ITPRID1: variants seen among roughly 807,000 people sequenced by gnomAD.
ITPRID1 encodes the protein protein ITPRID1.
Under a neutral mutation model 95.4 loss-of-function variants are expected in ITPRID1, and 96 were observed. That is an observed-to-expected ratio of 1.01 (90% confidence interval 0.85 to 1.19). The LOEUF (loss-of-function observed/expected upper bound fraction) is 1.19, where lower values mean the gene tolerates loss of function less well. Ranked by LOEUF, ITPRID1 falls within the 50% of genes most tolerant of loss-of-function variation. The pLI is 0.00. For synonymous variants in ITPRID1, 510 were observed against 453.6 expected (o/e 1.12, Z -1.58); for missense variants, 1,339 against 1,252.9 (o/e 1.07, Z -1.04).
At chr7:31,618,622 C>T (rs1787498326) in intron 10 of ITPRID1, among the ~76,000 whole-genome samples, 17 of 152,140 alleles carry the variant, frequency 1.1e-4, no homozygotes, top group Admixed American at 1.1e-3. Context: ...TCATAAACTC[C>T]CCTCCATTAA....
chr7:31,536,912 T>G (rs1369177125), intron 1 of ITPRID1, among the ~76,000 whole-genome samples: 1 of 152,204 alleles, frequency 6.6e-6, no homozygotes, highest in Non-Finnish European at 1.5e-5. Flanking sequence ...CTGCTGCCTC[T>G]TATTCAGAGT....
chr7:31,586,754 G>A (rs1482754413), intron 10 of ITPRID1, among the ~76,000 whole-genome samples: 1 of 151,942 alleles, frequency 6.6e-6, no homozygotes, highest in Non-Finnish European at 1.5e-5. Context: ...TTTGTCAGAT[G>A]AGTAGGTTGC....
intron 9 of ITPRID1, among the ~76,000 whole-genome samples, chr7:31,580,834 GTTA>G (rs1269678275): frequency 1.3e-5 from 2 of 152,130 alleles, no homozygotes; most frequent in South Asian, 2.1e-4. Context: ...TGTTTATGGT[GTTA>G]TTATGTTCTA....
At chr7:31,542,530 C>T (rs1348933783) in intron 1 of ITPRID1, among the ~76,000 whole-genome samples, 1 of 152,092 alleles carries the variant, frequency 6.6e-6, no homozygotes, top group Non-Finnish European at 1.5e-5. Context: ...TCTTTAATAT[C>T]AAAGAACTGT....
At chr7:31,542,384 AT>A (rs1324174870) in intron 1 of ITPRID1, among the ~76,000 whole-genome samples, 3 of 152,138 alleles carry the variant, frequency 2.0e-5, no homozygotes, top group Non-Finnish European at 4.4e-5. Context: ...CCTTTTATAC[AT>A]TTTTTTACGA....
At position 31,612,894 on chromosome 7, in the gene ITPRID1, C is replaced by T. The variant is rs542124573; in HGVS notation, c.1229-29282C>T. ...GAGTTTTTCAAAGTCCACTATTAGC[C>T]AAGTTTATTATTTTGCCCCAGTTGG... On this transcript the variant is annotated intron_variant, in intron 10 of 14. Transcript: ENST00000615280. Among the ~76,000 whole-genome samples the T allele has an allele frequency of 3.9e-5, 6 of 152,224 alleles. No individual in the cohort carries two copies. The East Asian group carries it at 1.2e-3, about 29-fold the overall frequency.
chr7:31,601,182 TA>T (rs1786379524), intron 10 of ITPRID1, among the ~76,000 whole-genome samples: 1 of 152,066 alleles, frequency 6.6e-6, no homozygotes, highest in Non-Finnish European at 1.5e-5. Flanking sequence ...AATAAAACAA[TA>T]GATAAATAGA....
At chr7:31,558,475 A>C (rs1784524263) in intron 5 of ITPRID1, among the ~76,000 whole-genome samples, 1 of 152,072 alleles carries the variant, frequency 6.6e-6, no homozygotes, top group Non-Finnish European at 1.5e-5. Flanking sequence ...GTGCAATACT[A>C]ACTTTTTTTT....
At chr7:31,631,000 T>A (rs1182823877) in intron 10 of ITPRID1, among the ~76,000 whole-genome samples, 1 of 152,154 alleles carries the variant, frequency 6.6e-6, no homozygotes, top group Non-Finnish European at 1.5e-5. Context: ...TTGGTGACAT[T>A]AGAAAAACAA....
At chr7:31,620,601 C>A (rs1787769418) in intron 10 of ITPRID1, among the ~76,000 whole-genome samples, 1 of 150,428 alleles carries the variant, frequency 6.6e-6, no homozygotes, top group Non-Finnish European at 1.5e-5. Flanking sequence ...ACACCAAAAA[C>A]CCATCTGTAC....
chr7:31,621,186 G>A (rs1444030703), intron 10 of ITPRID1, among the ~76,000 whole-genome samples: 2 of 152,152 alleles, frequency 1.3e-5, no homozygotes, highest in Non-Finnish European at 1.5e-5. Context: ...ACAATCTGCA[G>A]GATATTATCC....
intron 10 of ITPRID1, among the ~76,000 whole-genome samples, chr7:31,584,115 G>C (rs775749108): frequency 4.6e-5 from 7 of 152,126 alleles, no homozygotes; most frequent in African/African-American, 1.4e-4. Context: ...CTGTGATTCA[G>C]CATTTCCATG....
At chr7:31,641,060 C>G (rs193181698) in intron 10 of ITPRID1, among the ~76,000 whole-genome samples, 2 of 152,132 alleles carry the variant, frequency 1.3e-5, no homozygotes, top group African/African-American at 4.8e-5. Flanking sequence ...TCTCCACTTG[C>G]TGTCTTTGCT....
intron 1 of ITPRID1, among the ~76,000 whole-genome samples, chr7:31,518,541 G>A (rs117406824): frequency 2.9e-3 from 447 of 152,312 alleles, no homozygotes; most frequent in Non-Finnish European, 4.1e-3. Flanking sequence ...GGCCCTTTGA[G>A]TTTGACCTTG....
intron 12 of ITPRID1, among the ~76,000 whole-genome samples, chr7:31,647,723 A>G (rs1179220504): frequency 4.0e-5 from 6 of 150,772 alleles, no homozygotes; most frequent in Admixed American, 6.6e-5. Context: ...CGATGACGAC[A>G]ACGACGACGA....
intron 10 of ITPRID1, among the ~76,000 whole-genome samples, chr7:31,616,651 G>T (rs1436105396): frequency 1.3e-5 from 2 of 152,118 alleles, no homozygotes; most frequent in Non-Finnish European, 2.9e-5. Flanking sequence ...AGATCATAAG[G>T]TAAATTCCCC....
At chr7:31,586,697 T>C (rs1360430585) in intron 10 of ITPRID1, among the ~76,000 whole-genome samples, 1 of 152,090 alleles carries the variant, frequency 6.6e-6, no homozygotes, top group African/African-American at 2.4e-5. Flanking sequence ...GTCTGTTTTT[T>C]TCTTGTAAAT....
At chr7:31,527,615 A>T (rs1457517676) in intron 1 of ITPRID1, among the ~76,000 whole-genome samples, 2 of 152,018 alleles carry the variant, frequency 1.3e-5, no homozygotes, top group Admixed American at 6.6e-5. Flanking sequence ...GCTAAATTCT[A>T]TCCCTGTTTA....
intron 10 of ITPRID1, among the ~76,000 whole-genome samples, chr7:31,640,509 T>A (rs1241896922): frequency 6.6e-6 from 1 of 152,258 alleles, no homozygotes; most frequent in Non-Finnish European, 1.5e-5. Context: ...TCAGCCTGGG[T>A]TCCCCCTTCT....
Sources: allele counts gnomAD v4.1 joint callset (sites outside exome capture counted in the v4.1 genomes callset), GRCh38; gene constraint gnomAD v4.1.1; transcripts MANE v1.5; gene names NCBI Gene and HGNC (gene_info 2026-07-23, HGNC 2026-07-21).